Variants in FCHO1 observed in about 807,000 individuals in gnomAD.
FCHO1 encodes the protein FCH and mu domain containing endocytic adaptor 1.
FCHO1 carries 45 observed loss-of-function variants against 114.4 expected under a neutral mutation model. That is an observed-to-expected ratio of 0.39 (90% CI 0.31 to 0.50). FCHO1 has a LOEUF of 0.50. FCHO1 is among the 20% of genes least tolerant of loss of function. The pLI, the probability that FCHO1 is intolerant of heterozygous loss-of-function variation, is 0.77. For missense variants in FCHO1, 1,042 were observed against 1,209.6 expected, an observed-to-expected ratio of 0.86 and a Z score of 2.06; for synonymous variants, 480 against 488.9, an observed-to-expected ratio of 0.98 and a Z score of 0.24.
Position 17,778,829 on chromosome 19 carries a change from G to A in FCHO1, c.1572G>A (p.Pro524=). 1 of 1,555,764 alleles carries A rather than the reference G, an allele frequency of 6.4e-7. No homozygotes were observed. Among genetic ancestry groups the A allele is most frequent in the East Asian group, 2.3e-5 (1 of 43,036 alleles). The change falls in exon 20 of 29, where the codon CCG becomes CCA. Residue 524 remains proline (P), a synonymous_variant. Transcript: ENST00000596536. ...GIRAPPLPDS[P]QPLASSPGPW... ...GGGCACCGCCTCTGCCAGACTCGCC[G>A]CAGCCCCTCGCCTCGTCTCCAGGCC...
chr19:17,761,160 C>T (rs2085984160), intron 4 of FCHO1, among the ~76,000 whole-genome samples: 1 of 152,170 alleles, frequency 6.6e-6, no homozygotes, highest in African/African-American at 2.4e-5. Flanking sequence ...TTTATTTATT[C>T]AACGAACTCA....
chr19:17,750,927 C>T (rs958854672), upstream of FCHO1, among the ~76,000 whole-genome samples: 5 of 151,514 alleles, frequency 3.3e-5, no homozygotes, highest in East Asian at 9.7e-4. Context: ...CTGCAACCTC[C>T]ACCTCCCGGG....
intron 5 of FCHO1, 100 bp downstream of exon 5, chr19:17,762,953 G>A (rs1212547565): frequency 6.3e-6 from 5 of 791,216 alleles, no homozygotes; most frequent in Middle Eastern, 3.7e-4. Context: ...CTAGAACCCT[G>A]GGGATTCCAG....
intron 18 of FCHO1, among the ~76,000 whole-genome samples, chr19:17,777,361 A>G (rs993805288): frequency 6.6e-6 from 1 of 151,092 alleles, no homozygotes; most frequent in Non-Finnish European, 1.5e-5. Flanking sequence ...ACATAAAGAA[A>G]CCCCATCTCT....
rs192863445 is a variant in FCHO1 at position 17,785,473 on chromosome 19, T to A, written c.2426+549T>A. On this transcript the variant is annotated intron_variant, in intron 26 of 28. Coordinates refer to ENST00000596536, the MANE Select transcript of FCHO1 (RefSeq NM_015122.3). ...GCTGACCTCAGGTGATCCACCCGCC[T>A]CGGCCTCCCAAAGGACTGCGATTAT... Among the ~76,000 whole-genome samples, 738 of 152,158 alleles carry A rather than the reference T, an allele frequency of 4.9e-3. 9 individuals are homozygous for A. Among genetic ancestry groups the A allele is most frequent in the African/African-American group, 0.017 (696 of 41,516 alleles).
intron 4 of FCHO1, among the ~76,000 whole-genome samples, chr19:17,760,708 G>A (rs2085774263): frequency 6.6e-6 from 1 of 152,116 alleles, no homozygotes; most frequent in African/African-American, 2.4e-5. Context: ...GTAGTGTAGT[G>A]ACATGATTTT....
At position 17,788,424 on chromosome 19, in the gene FCHO1, C is replaced by T. The variant is rs187176889; in HGVS notation, c.*118C>T. On this transcript the variant is annotated 3_prime_UTR_variant, in exon 29 of 29. Coordinates refer to ENST00000596536, the MANE Select transcript of FCHO1 (RefSeq NM_015122.3). ...CAGCCTCCCTGAGGCCCATACTCCA[C>T]GGAGAGGAGCCCCATGCCCAGCCTG... 3.9e-4 allele frequency: 285 copies of T among 734,190 alleles called. No individual in the cohort carries two copies. Among genetic ancestry groups the T allele is most frequent in the Middle Eastern group, 4.0e-4 (1 of 2,524 alleles). The allele number at this position is 734,190 out of a possible 1,614,324, so 45.5% of individuals were successfully genotyped here.
rs2092525343 is a variant in FCHO1, at chr19:17,775,657, C to G, written c.1003+144C>G. The G allele has an allele frequency of 1.2e-6, 1 of 812,886 alleles. No individual in the cohort carries two copies. Among genetic ancestry groups the G allele is most frequent in the South Asian group, 1.5e-5 (1 of 65,682 alleles). 50.4% of individuals were successfully genotyped at this position (812,886 alleles called of 1,614,324 possible). Reference sequence around the variant, plus strand: ...TGGATGAAGCCAACCTAAATGTAAACACCCACTCTATGGGGTCAGCACTGG... The same window carrying G: ...TGGATGAAGCCAACCTAAATGTAAAGACCCACTCTATGGGGTCAGCACTGG... On this transcript the variant is annotated intron_variant, in intron 15 of 28. Transcript: ENST00000596536. The surrounding 1 kb of genome is among the most constrained non-coding windows in gnomAD (Gnocchi z 5.1).
In FCHO1 at chr19:17,781,289, G is replaced by A; in HGVS notation, c.1686G>A (p.Arg562=). 6.2e-7 allele frequency: 1 copy of A among 1,614,058 alleles called. No homozygotes were observed. The highest frequency in any genetic ancestry group is 8.5e-7 in the Non-Finnish European group (1 of 1,179,972). ...GGGAGGGCCTGGCAGCCCCACCCAG[G>A]AGACTTCGCTCTAGGAAGGTGTCCT... ...TAREGLAAPP[R]RLRSRKVSCP... The change falls in exon 21 of 29, where the codon AGG becomes AGA. Residue 562 remains arginine, a synonymous_variant. Coordinates refer to ENST00000596536, the MANE Select transcript of FCHO1 (RefSeq NM_015122.3).
chr19:17,775,197 C>A lies in FCHO1; in HGVS notation c.945+117C>A. ...TAAAGAGCCGAGATTGAGGGGCGGGCTGGAGCCTGGGGGCTGGGTTCATAT... is the reference window on the plus strand; with the variant it reads ...TAAAGAGCCGAGATTGAGGGGCGGGATGGAGCCTGGGGGCTGGGTTCATAT... On this transcript the variant is annotated intron_variant, in intron 14 of 28. Transcript: ENST00000596536. The surrounding 1 kb of genome is among the most constrained non-coding windows in gnomAD (Gnocchi z 5.1). 2 of 1,208,198 alleles carry A rather than the reference C, an allele frequency of 1.7e-6. No individual in the cohort carries two copies. The highest frequency in any genetic ancestry group is 2.4e-5 in the East Asian group (1 of 41,520). 74.8% of individuals were successfully genotyped at this position (1,208,198 alleles called of 1,614,324 possible). A position where few individuals can be genotyped will look rare whatever the true frequency, so the allele number is the denominator to read the frequency against.
chr19:17,783,355 T>C (rs1388993952), intron 24 of FCHO1, among the ~76,000 whole-genome samples, 183 bp downstream of exon 24: 2 of 144,814 alleles, frequency 1.4e-5, no homozygotes, highest in Non-Finnish European at 3.0e-5. Context: ...CAACTCCGCC[T>C]CCCGGGTTCA....
In FCHO1 at chr19:17,781,564, G is replaced by A. The variant is rs28662961; in HGVS notation, c.1828+25G>A. 12,242 of 1,612,140 alleles carry A rather than the reference G, an allele frequency of 7.6e-3. 727 individuals carry two copies. The African/African-American group carries it at 0.13, about 17-fold the overall frequency. ...GGTATGTGAGGGCGGTCCTGGGCCT[G>A]GCTTTGGGCCTCAGTGTCACCTTCT... On this transcript the variant is annotated intron_variant, in intron 22 of 28. Coordinates refer to ENST00000596536, the MANE Select transcript of FCHO1 (RefSeq NM_015122.3).
intron 26 of FCHO1, 96 bp downstream of exon 26, chr19:17,785,020 C>T: frequency 7.9e-7 from 1 of 1,269,758 alleles, no homozygotes; most frequent in Non-Finnish European, 1.1e-6. Flanking sequence ...CACCCTCGGC[C>T]TGACCGTTAA....
At chr19:17,782,959 A>G (rs2147367435) in intron 23 of FCHO1, 58 bp from the exon 24 acceptor site, 1 of 1,581,306 alleles carries the variant, frequency 6.3e-7, no homozygotes, top group African/African-American at 1.3e-5. Flanking sequence ...AGAGAAGGGG[A>G]AGGATGAGGC....
chr19:17,766,879 T>A, intron 7 of FCHO1, 69 bp downstream of exon 7: 4 of 1,516,264 alleles, frequency 2.6e-6, no homozygotes, highest in Non-Finnish European at 3.6e-6. Flanking sequence ...GGACCCCAGA[T>A]CTTCTGGGGC....
At chr19:17,759,043 G>A (rs892574899) in intron 4 of FCHO1, among the ~76,000 whole-genome samples, 8 of 151,982 alleles carry the variant, frequency 5.3e-5, no homozygotes, top group African/African-American at 1.9e-4. Context: ...TAGGTTGGAG[G>A]AGGGCACAGG....
chr19:17,774,375 C>T lies in FCHO1; in HGVS notation c.836-19C>T, dbSNP rs374154878. On this transcript the variant is annotated intron_variant, in intron 12 of 28. Transcript: ENST00000596536. ...AAAGGAGGCTCACAGTGCTCAGGTGCCCCCCAATCTATCCTCAGCGATGAA... is the reference window on the plus strand; with the variant it reads ...AAAGGAGGCTCACAGTGCTCAGGTGTCCCCCAATCTATCCTCAGCGATGAA... 1.1e-4 allele frequency: 170 copies of T among 1,612,840 alleles called. No individual in the cohort carries two copies. Among genetic ancestry groups the T allele is most frequent in the Non-Finnish European group, 1.2e-4 (147 of 1,179,082 alleles).
chr19:17,778,996 A>G (rs2093019797), intron 20 of FCHO1, 112 bp downstream of exon 20: 10 of 1,152,636 alleles, frequency 8.7e-6, no homozygotes, highest in South Asian at 1.7e-5. Context: ...AGGACCAGGC[A>G]GGCAGAACCT....
chr19:17,762,090 A>G (rs1380710251), intron 4 of FCHO1, among the ~76,000 whole-genome samples: 3 of 150,488 alleles, frequency 2.0e-5, no homozygotes, highest in African/African-American at 7.4e-5. Context: ...GGCTCAAGCA[A>G]TCCTCCTGCC....
Sources: allele counts gnomAD v4.1 joint callset (sites outside exome capture counted in the v4.1 genomes callset), GRCh38; gene constraint gnomAD v4.1.1; non-coding constraint Gnocchi (gnomAD v3.1); transcripts MANE v1.5; gene names NCBI Gene and HGNC (gene_info 2026-07-23, HGNC 2026-07-21).